The following ANO4 variants were observed in gnomAD, a reference collection of about 807,000 sequenced individuals.
ANO4 encodes anoctamin 4.
Under a neutral mutation model 141.9 loss-of-function variants are expected in ANO4, and 69 were observed. That is an observed-to-expected ratio of 0.49 (90% CI 0.40 to 0.59). The LOEUF (loss-of-function observed/expected upper bound fraction) is 0.59, where lower values mean the gene tolerates loss of function less well. Among genes scored for constraint, ANO4 ranks in the 20% least tolerant of loss-of-function variants. The pLI is 0.00. For synonymous variants in ANO4, 350 were observed against 394.3 expected, an observed-to-expected ratio of 0.89 and a Z score of 1.33; for missense variants, 894 against 1,162.2, an observed-to-expected ratio of 0.77 and a Z score of 3.36.
intron 14 of ANO4, chr12:101,069,115 A>G: frequency 3.1e-6 from 4 of 1,282,922 alleles, no homozygotes; most frequent in Non-Finnish European, 4.5e-6. Flanking sequence ...TAAATTTCAA[A>G]CGGAAGAAAG....
upstream of ANO4, among the ~76,000 whole-genome samples, chr12:100,792,079 G>A (rs143127977): frequency 2.0e-3 from 311 of 151,922 alleles, 2 homozygotes; most frequent in African/African-American, 7.2e-3. Context: ...CCCTCTCGGT[G>A]GTCTGGAAAA....
At chr12:100,730,751 T>C (rs1427125533) in intron 1 of ANO4, among the ~76,000 whole-genome samples, 1 of 152,158 alleles carries the variant, frequency 6.6e-6, no homozygotes, top group African/African-American at 2.4e-5. Context: ...ATTCTAGAGA[T>C]TGGAGATGGT....
intron 1 of ANO4, among the ~76,000 whole-genome samples, chr12:100,854,334 C>G (rs2038048847): frequency 6.6e-6 from 1 of 152,010 alleles, no homozygotes; most frequent in Non-Finnish European, 1.5e-5. Context: ...TTCCTCTTTT[C>G]TTTGGAAGAG....
chr12:100,818,081 G>A (rs1277140932), intron 1 of ANO4, among the ~76,000 whole-genome samples: 8 of 151,704 alleles, frequency 5.3e-5, no homozygotes, highest in Middle Eastern at 3.4e-3. Flanking sequence ...GCCTTATAAA[G>A]TGTTTCCTAA....
At chr12:101,066,939 A>G (rs780768863) in intron 14 of ANO4, 3 of 756,308 alleles carry the variant, frequency 4.0e-6, no homozygotes, top group East Asian at 5.1e-5. Context: ...ACAAGGCAAC[A>G]TGAGGACTTT....
chr12:100,817,634 T>A (rs2035810883), intron 1 of ANO4, among the ~76,000 whole-genome samples: 1 of 151,982 alleles, frequency 6.6e-6, no homozygotes, highest in African/African-American at 2.4e-5. Flanking sequence ...TCCATGTTTA[T>A]GTCTGCTAAA....
chr12:101,091,496 A>G (rs2049772424), intron 17 of ANO4, among the ~76,000 whole-genome samples: 1 of 152,200 alleles, frequency 6.6e-6, no homozygotes, highest in Admixed American at 6.5e-5. Flanking sequence ...AGTCGTTTCT[A>G]TCAGCATAAG....
At chr12:100,837,258 A>G (rs921779925) in intron 1 of ANO4, among the ~76,000 whole-genome samples, 9 of 151,474 alleles carry the variant, frequency 5.9e-5, no homozygotes, top group Non-Finnish European at 1.2e-4. Context: ...TTTTCATTTA[A>G]TCCTACAACA....
chr12:101,054,906 A>G (rs1360298832), intron 14 of ANO4, among the ~76,000 whole-genome samples: 1 of 152,044 alleles, frequency 6.6e-6, no homozygotes, highest in East Asian at 1.9e-4. Context: ...CATGCAGATT[A>G]AATTATTCAA....
chr12:100,901,866 G>A (rs777280316), intron 2 of ANO4, 26 bp downstream of exon 2: 156 of 1,565,886 alleles, frequency 1.0e-4, no homozygotes, highest in Non-Finnish European at 1.3e-4. Context: ...GTTCAACGGG[G>A]ACCCATTTCA....
intron 1 of ANO4, among the ~76,000 whole-genome samples, chr12:100,804,289 T>C (rs1344060986): frequency 6.6e-6 from 1 of 152,212 alleles, no homozygotes; most frequent in Admixed American, 6.5e-5. Context: ...TCTTGTTCCT[T>C]TTTATGGCTG....
chr12:100,884,790 A>G (rs1053317999), intron 1 of ANO4, among the ~76,000 whole-genome samples: 6 of 152,040 alleles, frequency 3.9e-5, no homozygotes, highest in Non-Finnish European at 5.9e-5. Context: ...TGCCTCCCGC[A>G]TTCAAGCGAT....
chr12:101,059,621 G>A (rs2048266366), intron 14 of ANO4, among the ~76,000 whole-genome samples: 2 of 152,074 alleles, frequency 1.3e-5, no homozygotes, highest in African/African-American at 4.8e-5. Flanking sequence ...GGGTGTATGT[G>A]TCCAGGAATT....
intron 24 of ANO4, 41 bp downstream of exon 24, chr12:101,111,751 A>G: frequency 1.3e-6 from 2 of 1,516,034 alleles, no homozygotes; most frequent in Non-Finnish European, 1.8e-6. Flanking sequence ...TCTATTTCCT[A>G]GCCATTTTTT....
chr12:100,763,590 A>G (rs2032964174), intron 3 of ANO4, among the ~76,000 whole-genome samples: 1 of 152,094 alleles, frequency 6.6e-6, no homozygotes, highest in African/African-American at 2.4e-5. Flanking sequence ...CTGACTTTCA[A>G]ATGGGCAGCT....
intron 14 of ANO4, among the ~76,000 whole-genome samples, chr12:101,050,764 A>G (rs2047831018): frequency 6.6e-6 from 1 of 152,202 alleles, no homozygotes; most frequent in Non-Finnish European, 1.5e-5. Context: ...GCTGCTGTAC[A>G]TGGAGGAGCC....
chr12:100,930,726 A>G (rs542547869), intron 3 of ANO4, among the ~76,000 whole-genome samples: 1 of 152,318 alleles, frequency 6.6e-6, no homozygotes, highest in East Asian at 1.9e-4. Context: ...GGAGATGTCA[A>G]CACAACCATT....
intron 14 of ANO4, among the ~76,000 whole-genome samples, chr12:101,052,305 G>A (rs1234064268): frequency 1.3e-5 from 2 of 152,082 alleles, no homozygotes; most frequent in Non-Finnish European, 2.9e-5. Context: ...TTACAGTGTG[G>A]CTCATTCCTC....
chr12:100,854,487 A>G (rs900810483), intron 1 of ANO4, among the ~76,000 whole-genome samples: 5 of 152,112 alleles, frequency 3.3e-5, no homozygotes, highest in East Asian at 3.9e-4. Context: ...GAATTTATGT[A>G]TACACAGCAT....
Sources: gnomAD v4.1 joint callset for allele counts (sites outside exome capture counted in the v4.1 genomes callset) on GRCh38, gnomAD v4.1.1 for gene constraint, MANE v1.5 for transcripts, NCBI Gene and HGNC (gene_info 2026-07-23, HGNC 2026-07-21) for gene names.